TLCD4: variants seen among roughly 807,000 people sequenced by gnomAD.
The protein encoded by TLCD4 is TLC domain containing 4.
In TLCD4, 7 loss-of-function variants were observed where a neutral mutation model predicts 24.2. The ratio of observed to expected loss-of-function variants is 0.29; its 90% confidence interval spans 0.16 to 0.54. The LOEUF is 0.54. TLCD4 is among the 20% of genes least tolerant of loss of function. The pLI is 0.95. For missense variants in TLCD4, 259 were observed against 313.9 expected (o/e 0.82, Z 1.32); for synonymous variants, 103 against 106.4 (o/e 0.97, Z 0.20).
At chr1:95,104,663 C>CAAAAAAAAAAAAAAAAAAA in the TLCD4 span, among the ~76,000 whole-genome samples, 18 of 40,614 alleles carry the variant, frequency 4.4e-4, 3 homozygotes, top group Non-Finnish European at 6.5e-4. Context: ...GACTCCGTCT[C>CAAAAAAAAAAAAAAAAAAA]AAAAAAAAAA....
Position 95,192,185 on chromosome 1 carries a change from G to C in TLCD4, c.*317G>C, listed in dbSNP as rs1679049270. 1 of 244,056 alleles carries C rather than the reference G, an allele frequency of 4.1e-6. No homozygotes were observed. The highest frequency in any genetic ancestry group is 1.2e-4 in the East Asian group (1 of 8,352). 15.1% of individuals were successfully genotyped at this position (244,056 alleles called of 1,614,324 possible). A position where few individuals can be genotyped will look rare whatever the true frequency, so the allele number is the denominator to read the frequency against. ...GTGGTGGTTGGCGCCTGTAATCCCA[G>C]CTACTCGGGAGGCTGAGGCAGGAGA... On this transcript the variant is annotated 3_prime_UTR_variant, in exon 7 of 7. Transcript: ENST00000370203.
At chr1:95,113,188 G>A (rs1272595874), upstream of TLCD4, among the ~76,000 whole-genome samples, 3 of 151,576 alleles carry the variant, frequency 2.0e-5, no homozygotes, top group Admixed American at 6.6e-5. Context: ...GATTACAGGC[G>A]TGCGCCACTA....
chr1:95,190,092 CTTTCTTTTTTTTTTT>C (rs1161635024), intron 6 of TLCD4, among the ~76,000 whole-genome samples: 5 of 99,218 alleles, frequency 5.0e-5, no homozygotes, highest in Admixed American at 1.5e-4. Flanking sequence ...AAAATTTGCA[CTTTCTTTTTTTTTTT>C]TTTCTTTTTT....
At chr1:95,126,774 T>C (rs1676747688) in intron 1 of TLCD4, among the ~76,000 whole-genome samples, 1 of 152,202 alleles carries the variant, frequency 6.6e-6, no homozygotes, top group Non-Finnish European at 1.5e-5. Context: ...CCTGACATGA[T>C]GGTCTCAGGG....
In TLCD4 at chr1:95,196,166, A is replaced by G. The variant is rs1679198559; in HGVS notation, c.*4298A>G. On this transcript the variant is annotated 3_prime_UTR_variant, in exon 7 of 7. Transcript: ENST00000370203. ...TTATGGTTTTATTAAGAGATCTGTC[A>G]TCTCTGTTTTTCTTAAACTGGTTTA... 1.3e-5 allele frequency: 2 copies of G among 152,216 alleles called. No individual in the cohort carries two copies. Among genetic ancestry groups the G allele is most frequent in the Admixed American group, 6.5e-5 (1 of 15,276 alleles). 9.4% of individuals were successfully genotyped at this position (152,216 alleles called of 1,614,324 possible).
At chr1:95,105,166 C>A in the TLCD4 span, among the ~76,000 whole-genome samples, 1 of 152,160 alleles carries the variant, frequency 6.6e-6, no homozygotes, top group East Asian at 1.9e-4. Context: ...ATATCACCAG[C>A]CTGGGAAAAG....
intron 5 of TLCD4, among the ~76,000 whole-genome samples, chr1:95,155,153 C>G: frequency 6.6e-6 from 1 of 151,950 alleles, no homozygotes; most frequent in East Asian, 1.9e-4. Flanking sequence ...CTTTTCCCCC[C>G]CACCTTATAA....
chr1:95,151,306 T>G lies in TLCD4; in HGVS notation c.305-19T>G. ...ACTTTCTTCTTATGTAATACCTTAC[T>G]CACTTTTCTTTCTTACAGATTTGTC... On this transcript the variant is annotated intron_variant, in intron 4 of 6. Coordinates refer to ENST00000370203, the MANE Select transcript of TLCD4 (RefSeq NM_152487.3). The G allele has an allele frequency of 6.2e-7, 1 of 1,611,190 alleles. No individual in the cohort carries two copies. Among genetic ancestry groups the G allele is most frequent in the African/African-American group, 1.3e-5 (1 of 74,954 alleles).
chr1:95,105,054 C>A, the TLCD4 span, among the ~76,000 whole-genome samples: 3 of 152,066 alleles, frequency 2.0e-5, no homozygotes, highest in Non-Finnish European at 1.5e-5. Flanking sequence ...ACTTTCAGTA[C>A]AGTATTCAAT....
chr1:95,184,564 C>T (rs139289116), intron 6 of TLCD4, among the ~76,000 whole-genome samples: 1 of 152,024 alleles, frequency 6.6e-6, no homozygotes, highest in Non-Finnish European at 1.5e-5. Flanking sequence ...TGCTAAATGA[C>T]CAAAGTTAGG....
intron 6 of TLCD4, among the ~76,000 whole-genome samples, chr1:95,177,983 C>T (rs1678493601): frequency 6.9e-6 from 1 of 144,722 alleles, no homozygotes; most frequent in African/African-American, 2.6e-5. Context: ...TAGAGTCTCG[C>T]TCCATCGTCC....
Position 95,126,704 on chromosome 1 carries a change from G to T in TLCD4, c.-12+9087G>T, listed in dbSNP as rs74103666. On this transcript the variant is annotated intron_variant, in intron 1 of 6. Coordinates refer to ENST00000370203, the MANE Select transcript of TLCD4 (RefSeq NM_152487.3). ...ATACTGAGTGTTGGCTGTCAGCTGG[G>T]CAACCTCAGTTTTCTCATTGTGGCC... Among the ~76,000 whole-genome samples the T allele has an allele frequency of 7.0e-3, 1,069 of 152,260 alleles. 11 individuals carry two copies. The highest frequency in any genetic ancestry group is 0.024 in the African/African-American group (1,010 of 41,536).
chr1:95,101,581 C>A, the TLCD4 span, among the ~76,000 whole-genome samples: 1 of 152,038 alleles, frequency 6.6e-6, no homozygotes, highest in Non-Finnish European at 1.5e-5. Flanking sequence ...TTTTAAAGTG[C>A]AGAGCTCTGT....
chr1:95,151,320 T>C lies in TLCD4; in HGVS notation c.305-5T>C. On this transcript the variant is annotated splice_region_variant and splice_polypyrimidine_tract_variant and intron_variant, in intron 4 of 6. Coordinates refer to ENST00000370203, the MANE Select transcript of TLCD4 (RefSeq NM_152487.3). ...TAATACCTTACTCACTTTTCTTTCT[T>C]ACAGATTTGTCCATTATAATTTTGT... is the stretch of plus-strand genomic sequence containing the variant. The C allele has an allele frequency of 6.2e-7, 1 of 1,612,624 alleles. No individual in the cohort carries two copies. The highest frequency in any genetic ancestry group is 8.5e-7 in the Non-Finnish European group (1 of 1,179,136).
intron 1 of TLCD4, among the ~76,000 whole-genome samples, chr1:95,124,546 A>G: frequency 6.6e-6 from 1 of 152,154 alleles, no homozygotes; most frequent in East Asian, 1.9e-4. Context: ...AGTGCTAGCC[A>G]GGGGTATCAT....
chr1:95,160,141 TG>T (rs1166857164), intron 5 of TLCD4, among the ~76,000 whole-genome samples: 1 of 152,246 alleles, frequency 6.6e-6, no homozygotes, highest in African/African-American at 2.4e-5. Flanking sequence ...CACATGAGCA[TG>T]GAATGCTCTT....
At chr1:95,137,346 C>A (rs1324545348) in intron 1 of TLCD4, among the ~76,000 whole-genome samples, 1 of 152,082 alleles carries the variant, frequency 6.6e-6, no homozygotes, top group Non-Finnish European at 1.5e-5. Flanking sequence ...TCTTTGCTGC[C>A]CTTAAAGACA....
At chr1:95,109,623 G>A in the TLCD4 span, among the ~76,000 whole-genome samples, 6 of 151,576 alleles carry the variant, frequency 4.0e-5, no homozygotes, top group African/African-American at 1.5e-4. Context: ...AAGTAGGTGG[G>A]ACTACAGGCG....
At chr1:95,110,865 G>GT in the TLCD4 span, among the ~76,000 whole-genome samples, 1 of 34,924 alleles carries the variant, frequency 2.9e-5, no homozygotes, top group East Asian at 1.2e-3. Context: ...CAAAAGAAAA[G>GT]TAAAAAAAAA....
Sources: gnomAD v4.1 joint callset for allele counts (sites outside exome capture counted in the v4.1 genomes callset) on GRCh38, gnomAD v4.1.1 for gene constraint, MANE v1.5 for transcripts, NCBI Gene and HGNC (gene_info 2026-07-23, HGNC 2026-07-21) for gene names.